EPHA4: variants seen among roughly 807,000 people sequenced by gnomAD.
EPHA4 encodes EPH receptor A4.
Under a neutral mutation model 108.3 loss-of-function variants are expected in EPHA4, and 19 were observed. That is an observed-to-expected ratio of 0.18 (90% CI 0.12 to 0.26). The LOEUF (loss-of-function observed/expected upper bound fraction) is 0.26, where lower values mean the gene tolerates loss of function less well. Ranked by LOEUF, EPHA4 falls within the 10% of genes least tolerant of loss-of-function variation. The pLI, the probability that EPHA4 is intolerant of heterozygous loss-of-function variation, is 1.00. For synonymous variants in EPHA4, 449 were observed against 455.5 expected, an observed-to-expected ratio of 0.99 and a Z score of 0.18; for missense variants, 917 against 1,254.0, an observed-to-expected ratio of 0.73 and a Z score of 4.06.
intron 3 of EPHA4, among the ~76,000 whole-genome samples, chr2:221,539,531 C>T (rs529514747): frequency 4.5e-4 from 68 of 152,022 alleles, no homozygotes; most frequent in Non-Finnish European, 8.7e-4. Context: ...GCCTTTGGGG[C>T]AGGGTAAATT....
chr2:221,555,174 G>A (rs1694269517), intron 3 of EPHA4, among the ~76,000 whole-genome samples: 1 of 152,188 alleles, frequency 6.6e-6, no homozygotes, highest in Non-Finnish European at 1.5e-5. Flanking sequence ...ACTGGGGGCA[G>A]AGGTGCATAA....
At chr2:221,504,497 T>C (rs1692574141) in intron 3 of EPHA4, among the ~76,000 whole-genome samples, 1 of 151,796 alleles carries the variant, frequency 6.6e-6, no homozygotes, top group Non-Finnish European at 1.5e-5. Flanking sequence ...GACAGTATAA[T>C]GCCCAATTTA....
At chr2:221,570,161 G>A (rs1347129494) in intron 1 of EPHA4, among the ~76,000 whole-genome samples, 4 of 152,004 alleles carry the variant, frequency 2.6e-5, no homozygotes, top group Non-Finnish European at 5.9e-5. Context: ...GGGTAAAAGA[G>A]AGAAAAGGAA....
chr2:221,566,957 G>A (rs7589388), intron 2 of EPHA4, among the ~76,000 whole-genome samples: 883 of 5,636 alleles, frequency 0.16, 246 homozygotes, highest in African/African-American at 0.39. Flanking sequence ...AAGGAGAAGG[G>A]GAAGAGGAAG....
chr2:221,455,478 G>C lies in EPHA4; in HGVS notation c.1715+69C>G, dbSNP rs1312740015. ...CAATCAAAAGCCTTAGCTTTGTGTG[G>C]AAGAGAAAAAAACCATCATAAACAC... On this transcript the variant is annotated intron_variant, in intron 8 of 17. Coordinates refer to ENST00000281821, the MANE Select transcript of EPHA4 (RefSeq NM_004438.5). 11 of 1,214,996 alleles carry C rather than the reference G, an allele frequency of 9.1e-6. 1 individual carries two copies. In the East Asian group the frequency reaches 2.6e-4, roughly 29 times the overall value. 75.3% of individuals were successfully genotyped at this position (1,214,996 alleles called of 1,614,324 possible).
chr2:221,550,137 G>A (rs1694115566), intron 3 of EPHA4, among the ~76,000 whole-genome samples: 1 of 152,134 alleles, frequency 6.6e-6, no homozygotes, highest in Non-Finnish European at 1.5e-5. Flanking sequence ...ACGCTGGGCT[G>A]GAAAATCTAC....
At chr2:221,516,509 G>C (rs1006757911) in intron 3 of EPHA4, among the ~76,000 whole-genome samples, 8 of 151,908 alleles carry the variant, frequency 5.3e-5, no homozygotes, top group African/African-American at 1.7e-4. Context: ...CGTCCGCCGC[G>C]ACCCCTGGTT....
At chr2:221,488,609 G>A (rs1692046082) in intron 4 of EPHA4, among the ~76,000 whole-genome samples, 1 of 152,152 alleles carries the variant, frequency 6.6e-6, no homozygotes, top group African/African-American at 2.4e-5. Context: ...TTTCTAGTGG[G>A]ATGTCACCTC....
intron 4 of EPHA4, among the ~76,000 whole-genome samples, chr2:221,496,720 C>T (rs1484495686): frequency 6.6e-6 from 1 of 152,118 alleles, no homozygotes; most frequent in Non-Finnish European, 1.5e-5. Flanking sequence ...CCAGCCTGGC[C>T]AACATGGTGA....
At chr2:221,461,374 T>G (rs1301748625) in intron 5 of EPHA4, among the ~76,000 whole-genome samples, 1 of 152,154 alleles carries the variant, frequency 6.6e-6, no homozygotes, top group African/African-American at 2.4e-5. Context: ...GAGGAGATAA[T>G]AGAATTTTTT....
chr2:221,495,804 A>G (rs1692277325), intron 4 of EPHA4, among the ~76,000 whole-genome samples: 1 of 152,146 alleles, frequency 6.6e-6, no homozygotes, highest in Non-Finnish European at 1.5e-5. Flanking sequence ...CAAAAACCTG[A>G]TTTTACAAGC....
At chr2:221,449,096 G>A (rs1312175346) in intron 8 of EPHA4, among the ~76,000 whole-genome samples, 1 of 152,086 alleles carries the variant, frequency 6.6e-6, no homozygotes, top group Non-Finnish European at 1.5e-5. Context: ...TTATTTGGAG[G>A]AGAGGACCCT....
At chr2:221,436,371 A>AAGC (rs1690237912) in intron 13 of EPHA4, 28 bp downstream of exon 13, 1 of 1,605,268 alleles carries the variant, frequency 6.2e-7, no homozygotes, top group Non-Finnish European at 8.5e-7. Flanking sequence ...ACCAGAGTGA[A>AAGC]AGCCCAGATG....
At chr2:221,497,213 T>A (rs1474140589) in intron 4 of EPHA4, among the ~76,000 whole-genome samples, 2 of 151,940 alleles carry the variant, frequency 1.3e-5, no homozygotes, top group Non-Finnish European at 2.9e-5. Flanking sequence ...ACTTTGCAAA[T>A]TTTTTTTATT....
rs753861627 is a variant in EPHA4 at position 221,501,001 on chromosome 2, C to G, written c.979+16G>C. The G allele has an allele frequency of 2.6e-6, 4 of 1,560,648 alleles. No individual in the cohort carries two copies. The highest frequency in any genetic ancestry group is 3.5e-6 in the Non-Finnish European group (4 of 1,153,806). ...CTGTTGGCATCACAGGAATGAGAGACAAGCATACAACTTACGGGTGCAGGG... is the reference window on the plus strand; with the variant it reads ...CTGTTGGCATCACAGGAATGAGAGAGAAGCATACAACTTACGGGTGCAGGG... On this transcript the variant is annotated intron_variant, in intron 4 of 17. Transcript: ENST00000281821.
intron 14 of EPHA4, among the ~76,000 whole-genome samples, chr2:221,431,849 G>A (rs1441924021): frequency 1.3e-5 from 2 of 152,082 alleles, no homozygotes; most frequent in Non-Finnish European, 2.9e-5. Context: ...TAAATATTTT[G>A]GGGGGCAGAG....
intron 2 of EPHA4, among the ~76,000 whole-genome samples, chr2:221,566,572 AAATT>A (rs1694632133): frequency 6.6e-6 from 1 of 152,024 alleles, no homozygotes; most frequent in Non-Finnish European, 1.5e-5. Flanking sequence ...TATACAAATA[AAATT>A]ATTTATCTTA....
intron 3 of EPHA4, among the ~76,000 whole-genome samples, chr2:221,558,746 A>G (rs1694371336): frequency 6.6e-6 from 1 of 152,138 alleles, no homozygotes; most frequent in East Asian, 1.9e-4. Context: ...GCCTGGTCAC[A>G]CAAAGAGGAA....
chr2:221,446,241 T>C, intron 8 of EPHA4, 60 bp from the exon 9 acceptor site: 4 of 1,055,398 alleles, frequency 3.8e-6, no homozygotes, highest in Middle Eastern at 2.1e-4. Flanking sequence ...CTTTAACACA[T>C]GCCATAAGAC....
Sources: gnomAD v4.1 joint callset for allele counts (sites outside exome capture counted in the v4.1 genomes callset) on GRCh38, gnomAD v4.1.1 for gene constraint, MANE v1.5 for transcripts, NCBI Gene and HGNC (gene_info 2026-07-23, HGNC 2026-07-21) for gene names.